The following SLC9A3 variants were observed in gnomAD, a reference collection of about 807,000 sequenced individuals.
SLC9A3 encodes solute carrier family 9 member A3, also known as sodium/hydrogen exchanger 3.
SLC9A3 carries 37 observed loss-of-function variants against 86.8 expected under a neutral mutation model. That is an observed-to-expected ratio of 0.43 (90% confidence interval 0.33 to 0.56). The LOEUF is 0.56. Among genes scored for constraint, SLC9A3 ranks in the 20% least tolerant of loss-of-function variants. The pLI, the probability that SLC9A3 is intolerant of heterozygous loss-of-function variation, is 0.06. For missense variants in SLC9A3, 1,011 were observed against 1,171.9 expected (o/e 0.86, Z 2.00); for synonymous variants, 581 against 528.3 (o/e 1.10, Z -1.37).
chr5:482,330 G>T (rs376283765), intron 7 of SLC9A3, among the ~76,000 whole-genome samples, 173 bp from the exon 8 acceptor site: 1 of 152,102 alleles, frequency 6.6e-6, no homozygotes, highest in East Asian at 1.9e-4. Context: ...AGCACCCGGG[G>T]CCTCATCCAC....
In SLC9A3 at chr5:473,259, G is replaced by T; in HGVS notation, c.*120C>A. On this transcript the variant is annotated 3_prime_UTR_variant, in exon 17 of 17. Coordinates refer to ENST00000264938, the MANE Select transcript of SLC9A3 (RefSeq NM_004174.4). ...CGCTGGCGTGGGCGAGGCGGGGCTC[G>T]GGGCTCGCGGTCGCTGTAGCCGCGC... The T allele has an allele frequency of 9.0e-7, 1 of 1,114,342 alleles. No individual in the cohort carries two copies. The highest frequency in any genetic ancestry group is 1.1e-6 in the Non-Finnish European group (1 of 873,266). The allele number at this position is 1,114,342 out of a possible 1,614,324, so 69.0% of individuals were successfully genotyped here.
intron 1 of SLC9A3, among the ~76,000 whole-genome samples, chr5:513,367 C>T (rs922386138): frequency 2.0e-5 from 3 of 152,158 alleles, no homozygotes; most frequent in East Asian, 1.9e-4. Flanking sequence ...ATGGCACAGC[C>T]GCTGTGCCGG....
chr5:475,447 A>C, intron 15 of SLC9A3, 114 bp downstream of exon 15: 1 of 690,648 alleles, frequency 1.4e-6, no homozygotes, highest in Non-Finnish European at 2.5e-6. Flanking sequence ...TTGAGAACCC[A>C]CAGGAGACCC....
Position 476,783 on chromosome 5 carries a change from C to T in SLC9A3, c.1761-111G>A, listed in dbSNP as rs922947039. 4.5e-6 allele frequency: 6 copies of T among 1,344,534 alleles called. No homozygotes were observed. The Admixed American group carries it at 5.8e-5, about 13-fold the overall frequency. 83.3% of individuals were successfully genotyped at this position (1,344,534 alleles called of 1,614,324 possible). On this transcript the variant is annotated intron_variant, in intron 11 of 16. Coordinates refer to ENST00000264938, the MANE Select transcript of SLC9A3 (RefSeq NM_004174.4). ...GGCCCTGGCTGCCTCCTGCGTGCCC[C>T]TCGCCTTCCCATGGTGGGCACCCGG...
rs759123873 is a variant in SLC9A3, at chr5:471,211, C to T, written c.*2168G>A. On this transcript the variant is annotated 3_prime_UTR_variant, in exon 17 of 17. Coordinates refer to ENST00000264938, the MANE Select transcript of SLC9A3 (RefSeq NM_004174.4). ...TTGTGTTCACCATGTGGAGATCAGG[C>T]GGCGATTACCGCATCTTCTTTGCTG... 69 of 160,810 alleles carry T rather than the reference C, an allele frequency of 4.3e-4. No homozygotes were observed. The highest frequency in any genetic ancestry group is 1.2e-3 in the South Asian group (7 of 6,026). 10.0% of individuals were successfully genotyped at this position (160,810 alleles called of 1,614,324 possible).
chr5:476,460 C>G (rs1347318204), intron 12 of SLC9A3, 82 bp from the exon 13 acceptor site: 2 of 1,601,810 alleles, frequency 1.2e-6, no homozygotes, highest in Non-Finnish European at 1.7e-6. Context: ...GAGCACGGAT[C>G]CCCCGTGGTC....
At chr5:508,924 C>T (rs943660899) in intron 1 of SLC9A3, among the ~76,000 whole-genome samples, 3 of 151,452 alleles carry the variant, frequency 2.0e-5, no homozygotes, top group Non-Finnish European at 4.4e-5. Context: ...GCCTGGGCAT[C>T]ATAGTGAGAC....
intron 1 of SLC9A3, among the ~76,000 whole-genome samples, chr5:502,027 T>C (rs1740301262): frequency 6.6e-6 from 1 of 152,274 alleles, no homozygotes; most frequent in Non-Finnish European, 1.5e-5. Flanking sequence ...AGGACTGGAC[T>C]CCCTGCGCTC....
rs1462408627 is a variant in SLC9A3, at chr5:475,027, C to T, written c.2357G>A (p.Arg786Lys). 4.3e-6 allele frequency: 7 copies of T among 1,612,274 alleles called. No homozygotes were observed. Among genetic ancestry groups the T allele is most frequent in the Admixed American group, 1.7e-5 (1 of 59,960 alleles). ...SPGETVVPSQ[R>K]ARTQIPYSPG... ...AGAGTAGGGAATCTGCGTGCGGGCC[C>T]TCTGCGAGGGGACCACCGTCTCCCC... Residue 786 changes from arginine (R) to lysine (K), a missense_variant, in exon 16 of 17, where the codon AGG becomes AAG. Arg to Lys is a conservative substitution (Grantham distance 26, BLOSUM62 2). This residue lies in a region of SLC9A3 where 397 missense variants were observed against 346.3 expected (regional missense o/e 1.15). Transcript: ENST00000264938.
intron 1 of SLC9A3, among the ~76,000 whole-genome samples, chr5:523,401 TC>T (rs1560980873): frequency 6.7e-6 from 1 of 149,956 alleles, no homozygotes; most frequent in Non-Finnish European, 1.5e-5. Context: ...GGCCCCCTAA[TC>T]CCCCCTCCAC....
chr5:502,551 T>C (rs1342182156), intron 1 of SLC9A3, among the ~76,000 whole-genome samples: 1 of 152,192 alleles, frequency 6.6e-6, no homozygotes, highest in African/African-American at 2.4e-5. Context: ...GAAGTGGGAA[T>C]GTGGCCCAGC....
chr5:482,200 C>CA, intron 7 of SLC9A3, 43 bp from the exon 8 acceptor site: 1 of 1,476,296 alleles, frequency 6.8e-7, no homozygotes, highest in East Asian at 2.3e-5. Flanking sequence ...GGCAGCCCCC[C>CA]ACATCCCGCT....
intron 5 of SLC9A3, 21 bp downstream of exon 5, chr5:484,499 G>T: frequency 6.2e-7 from 1 of 1,611,032 alleles, no homozygotes; most frequent in Non-Finnish European, 8.5e-7. Flanking sequence ...GGAGAAGCTC[G>T]CGTGTGTGGG....
intron 1 of SLC9A3, among the ~76,000 whole-genome samples, chr5:512,758 G>A (rs1162475945): frequency 6.6e-6 from 1 of 152,178 alleles, no homozygotes; most frequent in Non-Finnish European, 1.5e-5. Context: ...GCCAGGCTGA[G>A]GGGACCAGGA....
In SLC9A3 at chr5:482,801, G is replaced by A. The variant is rs746559197; in HGVS notation, c.1154-51C>T. The stretch of plus-strand genomic sequence containing the variant: ...GCTCCCCGGCCGCCCTCCCAGCCGC[G>A]GGACCCCAGCCCCTCCGGGACAGCG... On this transcript the variant is annotated intron_variant, in intron 6 of 16. Transcript: ENST00000264938. 3.4e-5 allele frequency: 49 copies of A among 1,451,908 alleles called. No homozygotes were observed. The African/African-American group carries it at 5.9e-4, about 18-fold the overall frequency. The allele number at this position is 1,451,908 out of a possible 1,614,324, so 89.9% of individuals were successfully genotyped here. A position where few individuals can be genotyped will look rare whatever the true frequency, so the allele number is the denominator to read the frequency against.
chr5:491,574 C>T lies in SLC9A3; in HGVS notation c.514+195G>A, dbSNP rs1200880481. Among the ~76,000 whole-genome samples the T allele has an allele frequency of 2.0e-5, 3 of 152,144 alleles. No homozygotes were observed. The highest frequency in any genetic ancestry group is 2.9e-5 in the Non-Finnish European group (2 of 68,024). The stretch of plus-strand genomic sequence containing the variant: ...TGGGAACTCCTCCCCAAGCAGAACA[C>T]GTGCTGGGACCTGGGGACGCGCAGG... On this transcript the variant is annotated intron_variant, in intron 2 of 16. Coordinates refer to ENST00000264938, the MANE Select transcript of SLC9A3 (RefSeq NM_004174.4). The surrounding 1 kb of genome is among the most constrained non-coding windows in gnomAD (Gnocchi z 9.2).
chr5:512,198 C>G (rs1237245239), intron 1 of SLC9A3, among the ~76,000 whole-genome samples: 1 of 152,150 alleles, frequency 6.6e-6, no homozygotes, highest in Non-Finnish European at 1.5e-5. Flanking sequence ...GTCGTTGTAC[C>G]CATGTCCAAA....
intron 1 of SLC9A3, among the ~76,000 whole-genome samples, chr5:504,066 A>G (rs904486969): frequency 6.6e-6 from 1 of 151,888 alleles, no homozygotes; most frequent in Non-Finnish European, 1.5e-5. Context: ...CGTCTTCATC[A>G]ATCACGGAAG....
chr5:523,696 C>T (rs376853765), intron 1 of SLC9A3, among the ~76,000 whole-genome samples: 1 of 151,992 alleles, frequency 6.6e-6, no homozygotes, highest in African/African-American at 2.4e-5. Context: ...CACCGCTTTT[C>T]TTTTCTGCCC....
Sources: gnomAD v4.1 joint callset for allele counts (sites outside exome capture counted in the v4.1 genomes callset) on GRCh38, gnomAD v4.1.1 for gene constraint, gnomAD v4.1.1 regional missense constraint, Gnocchi (gnomAD v3.1) non-coding constraint, MANE v1.5 for transcripts, NCBI Gene and HGNC (gene_info 2026-07-23, HGNC 2026-07-21) for gene names.